The following ST8SIA5 variants were observed in gnomAD, a reference collection of about 807,000 sequenced individuals.
The protein encoded by ST8SIA5 is ST8 alpha-N-acetyl-neuraminide alpha-2,8-sialyltransferase 5, also known as alpha-2,8-sialyltransferase 8E.
In ST8SIA5, 24 loss-of-function variants were observed where a neutral mutation model predicts 40.2. That is an observed-to-expected ratio of 0.60 (90% CI 0.43 to 0.84). The LOEUF is 0.84. ST8SIA5 is among the 40% of genes least tolerant of loss of function. The pLI, the probability that ST8SIA5 is intolerant of heterozygous loss-of-function variation, is 0.00. For missense variants in ST8SIA5, 465 were observed against 498.5 expected (o/e 0.93, Z 0.64); for synonymous variants, 198 against 201.8 (o/e 0.98, Z 0.16).
chr18:46,750,486 G>A (rs1289999048), intron 1 of ST8SIA5, among the ~76,000 whole-genome samples: 1 of 151,968 alleles, frequency 6.6e-6, no homozygotes, highest in Non-Finnish European at 1.5e-5. Flanking sequence ...ACCTAGAAAG[G>A]GTAACCTGCG....
rs544216060 is a variant in ST8SIA5, at chr18:46,755,921, T to C, written c.131+457A>G. On this transcript the variant is annotated intron_variant, in intron 1 of 6. Coordinates refer to ENST00000315087, the MANE Select transcript of ST8SIA5 (RefSeq NM_013305.6). Reference sequence around the variant, plus strand: ...GAAGCTCCTGGAGGGGAAAATGCTTTTTCTCCCAAGGGTCCTTACGAAAGT... The same window carrying C: ...GAAGCTCCTGGAGGGGAAAATGCTTCTTCTCCCAAGGGTCCTTACGAAAGT... Among the ~76,000 whole-genome samples the C allele has an allele frequency of 7.2e-4, 109 of 152,208 alleles. 1 individual carries two copies. The highest frequency in any genetic ancestry group is 2.5e-3 in the African/African-American group (105 of 41,530).
intron 2 of ST8SIA5, among the ~76,000 whole-genome samples, chr18:46,701,710 C>A (rs2039618465): frequency 6.6e-6 from 1 of 152,214 alleles, no homozygotes; most frequent in African/African-American, 2.4e-5. Context: ...CAAACTGATA[C>A]AGGACCTAAC....
At chr18:46,712,475 G>C (rs1245259702) in intron 1 of ST8SIA5, among the ~76,000 whole-genome samples, 3 of 152,102 alleles carry the variant, frequency 2.0e-5, no homozygotes, top group Non-Finnish European at 2.9e-5. Context: ...TTGCTTTCTT[G>C]CTAGTCCCTG....
At chr18:46,690,355 C>T (rs1013673375) in intron 3 of ST8SIA5, among the ~76,000 whole-genome samples, 1 of 152,158 alleles carries the variant, frequency 6.6e-6, no homozygotes, top group African/African-American at 2.4e-5. Context: ...CATCATTGTT[C>T]CATGAGCTTG....
At chr18:46,691,124 C>A (rs1264614454) in intron 3 of ST8SIA5, among the ~76,000 whole-genome samples, 1 of 152,242 alleles carries the variant, frequency 6.6e-6, no homozygotes, top group Admixed American at 6.5e-5. Context: ...ACTCTCCCAG[C>A]ACTTTGCTCA....
At chr18:46,681,565 A>G (rs1204176146) in intron 6 of ST8SIA5, among the ~76,000 whole-genome samples, 3 of 152,192 alleles carry the variant, frequency 2.0e-5, no homozygotes, top group Admixed American at 6.5e-5. Flanking sequence ...CCTCCTGGAC[A>G]CAGCCAGGTA....
intron 2 of ST8SIA5, 121 bp downstream of exon 2, chr18:46,704,451 G>A (rs118056807): frequency 0.011 from 9,322 of 843,004 alleles, 112 homozygotes; most frequent in Admixed American, 0.035. Flanking sequence ...CCTACTTTTC[G>A]CTCTATAGGA....
In ST8SIA5 at chr18:46,675,178, A is replaced by G. The variant is rs2039332198; in HGVS notation, c.*4864T>C. 1.3e-5 allele frequency: 2 copies of G among 152,288 alleles called. No homozygotes were observed. Among genetic ancestry groups the G allele is most frequent in the South Asian group, 4.1e-4 (2 of 4,822 alleles). 9.4% of individuals were successfully genotyped at this position (152,288 alleles called of 1,614,324 possible). The stretch of plus-strand genomic sequence containing the variant: ...AGATACAGTGAACAAATAGACATAA[A>G]GAGTGAAGGAGAAGGAAGAGGCAAA... On this transcript the variant is annotated 3_prime_UTR_variant, in exon 7 of 7. Coordinates refer to ENST00000315087, the MANE Select transcript of ST8SIA5 (RefSeq NM_013305.6).
intron 1 of ST8SIA5, among the ~76,000 whole-genome samples, chr18:46,750,511 A>G (rs912620217): frequency 2.0e-5 from 3 of 151,836 alleles, no homozygotes; most frequent in Non-Finnish European, 2.9e-5. Context: ...CTGTCTCCAC[A>G]TTGTCTTTCC....
intron 3 of ST8SIA5, 115 bp from the exon 4 acceptor site, chr18:46,689,034 A>G (rs2039476737): frequency 7.7e-7 from 1 of 1,302,436 alleles, no homozygotes; most frequent in Non-Finnish European, 1.0e-6. Context: ...CTGCTCACCT[A>G]TCCCACGCTT....
chr18:46,716,161 A>T (rs1207191689), intron 1 of ST8SIA5, among the ~76,000 whole-genome samples: 1 of 150,444 alleles, frequency 6.6e-6, no homozygotes, highest in East Asian at 1.9e-4. Context: ...TCCACCCACC[A>T]CCTGGAAGTG....
intron 1 of ST8SIA5, among the ~76,000 whole-genome samples, chr18:46,750,355 A>C (rs1277767949): frequency 6.6e-6 from 1 of 152,176 alleles, no homozygotes; most frequent in Non-Finnish European, 1.5e-5. Flanking sequence ...GCTTATATGA[A>C]GATTTCAGCA....
intron 1 of ST8SIA5, among the ~76,000 whole-genome samples, chr18:46,750,738 C>G (rs1459831439): frequency 6.6e-6 from 1 of 152,178 alleles, no homozygotes; most frequent in Non-Finnish European, 1.5e-5. Flanking sequence ...TCTCCAGCCT[C>G]GGCTTCCAGA....
In ST8SIA5 at chr18:46,667,906, T is replaced by C. The variant is rs575342481; in HGVS notation, c.*12136A>G. 2.2e-4 allele frequency: 33 copies of C among 152,290 alleles called. No individual in the cohort carries two copies. Among genetic ancestry groups the C allele is most frequent in the African/African-American group, 6.5e-4 (27 of 41,540 alleles). 9.4% of individuals were successfully genotyped at this position (152,290 alleles called of 1,614,324 possible). On this transcript the variant is annotated 3_prime_UTR_variant, in exon 7 of 7. Coordinates refer to ENST00000315087, the MANE Select transcript of ST8SIA5 (RefSeq NM_013305.6). Reference sequence around the variant, plus strand: ...CAGATACAAAGTACCCTGATGATGTTTTTAGGCATAGCATCACAGTCATCA... The same window carrying C: ...CAGATACAAAGTACCCTGATGATGTCTTTAGGCATAGCATCACAGTCATCA...
chr18:46,755,206 A>G (rs1599161703), intron 1 of ST8SIA5, among the ~76,000 whole-genome samples: 1 of 152,152 alleles, frequency 6.6e-6, no homozygotes, highest in Non-Finnish European at 1.5e-5. Context: ...GGACAGCGAC[A>G]CCTAGCAGCG....
Position 46,686,243 on chromosome 18 carries a change from A to G in ST8SIA5, c.500T>C (p.Val167Ala). 6.2e-7 allele frequency: 1 copy of G among 1,614,122 alleles called. No individual in the cohort carries two copies. The highest frequency in any genetic ancestry group is 8.5e-7 in the Non-Finnish European group (1 of 1,180,008). The change falls in exon 5 of 7, where the codon GTG becomes GCG. Residue 167 changes from valine (V) to alanine (A), a missense_variant. Transcript: ENST00000315087. Reference protein sequence around the residue: ...YRSQFKKCAVVGNGGILKNSR... With the variant: ...YRSQFKKCAVAGNGGILKNSR... ...GTTCTTCAAGATGCCTCCGTTGCCC[A>G]CTACAGCACACTTCTTAAACTGGGA...
Position 46,691,918 on chromosome 18 carries a change from C to A in ST8SIA5, c.311+251G>T, listed in dbSNP as rs568609982. On this transcript the variant is annotated intron_variant, in intron 3 of 6. Coordinates refer to ENST00000315087, the MANE Select transcript of ST8SIA5 (RefSeq NM_013305.6). Reference sequence around the variant, plus strand: ...CCTCAGCTGTGTACTGGAGATGGCACCACCAACCTCACAAGGCTGCTGCAA... The same window carrying A: ...CCTCAGCTGTGTACTGGAGATGGCAACACCAACCTCACAAGGCTGCTGCAA... The A allele has an allele frequency of 1.1e-4, 59 of 514,670 alleles. No homozygotes were observed. The Admixed American group carries it at 1.6e-3, about 14-fold the overall frequency. The allele number at this position is 514,670 out of a possible 1,614,324, so 31.9% of individuals were successfully genotyped here.
chr18:46,681,085 C>A (rs1314754442), intron 6 of ST8SIA5, among the ~76,000 whole-genome samples: 1 of 152,144 alleles, frequency 6.6e-6, no homozygotes, highest in African/African-American at 2.4e-5. Flanking sequence ...AATCCCCCCA[C>A]CTTAGCCTTC....
At chr18:46,741,429 G>A (rs1323595204) in intron 1 of ST8SIA5, among the ~76,000 whole-genome samples, 1 of 152,180 alleles carries the variant, frequency 6.6e-6, no homozygotes, top group Non-Finnish European at 1.5e-5. Context: ...GGTGCAGATG[G>A]TTGTAGAGGT....
Sources: gnomAD v4.1 joint callset for allele counts (sites outside exome capture counted in the v4.1 genomes callset) on GRCh38, gnomAD v4.1.1 for gene constraint, MANE v1.5 for transcripts, NCBI Gene and HGNC (gene_info 2026-07-23, HGNC 2026-07-21) for gene names.